Variants in NEGR1 observed in about 807,000 individuals in gnomAD.
The protein encoded by NEGR1 is neuronal growth regulator 1.
NEGR1 carries 10 observed loss-of-function variants against 40.9 expected under a neutral mutation model. The ratio of observed to expected loss-of-function variants is 0.24; its 90% CI spans 0.15 to 0.42. The LOEUF (loss-of-function observed/expected upper bound fraction) is 0.42. NEGR1 is among the 10% of genes least tolerant of loss of function. The probability of loss-of-function intolerance (pLI) is 1.00; values close to 1 mark genes in which losing one functional copy is unlikely to be tolerated. For missense variants in NEGR1, 352 were observed against 438.9 expected (o/e 0.80, Z 1.77); for synonymous variants, 185 against 166.8 (o/e 1.11, Z -0.84).
chr1:72,214,579 G>C (rs1653728221), intron 1 of NEGR1, among the ~76,000 whole-genome samples: 2 of 151,432 alleles, frequency 1.3e-5, no homozygotes, highest in Non-Finnish European at 3.0e-5. Context: ...ATAATAGACA[G>C]AGAGCCAAAT....
rs909586006 is a variant in NEGR1, at chr1:71,520,760, T to C, written c.940+72057A>G. On this transcript the variant is annotated intron_variant, in intron 6 of 6. Transcript: ENST00000357731. The stretch of plus-strand genomic sequence containing the variant: ...TAAAATCAACTAACTATAGCTCCTA[T>C]TTAGTGTCATAGGCATGGCTGGGGC... 2.6e-5 allele frequency among the ~76,000 whole-genome samples: 4 copies of C among 151,984 alleles called. No homozygotes were observed. The South Asian group carries it at 8.3e-4, about 31-fold the overall frequency.
intron 2 of NEGR1, among the ~76,000 whole-genome samples, chr1:71,924,899 T>C (rs1645757996): frequency 6.6e-6 from 1 of 152,146 alleles, no homozygotes; most frequent in South Asian, 2.1e-4. Context: ...TTTTTTTTTT[T>C]CTTATTATGT....
At chr1:71,558,858 G>T (rs1378607933) in intron 6 of NEGR1, among the ~76,000 whole-genome samples, 1 of 150,312 alleles carries the variant, frequency 6.7e-6, no homozygotes, top group East Asian at 2.0e-4. Context: ...TTGAGGAATG[G>T]TAATAGAGAC....
chr1:71,698,092 T>C lies in NEGR1; in HGVS notation c.583A>G (p.Arg195Gly). ...CATTCATATTCCCCAGCCTGGTCCC[T>C]TGTAATTCCATAAATGTCCAAATAT... is the stretch of plus-strand genomic sequence containing the variant. ...GQYLDIYGIT[R>G]DQAGEYECSA... Residue 195 changes from arginine (R) to glycine (G), a missense_variant, in exon 4 of 7, where the codon AGG becomes GGG. Around this residue, in one of 5 missense-constraint regions of NEGR1, gnomAD observed 184 missense variants for 208.7 expected, o/e 0.88. Transcript: ENST00000357731. 2 of 1,611,022 alleles carry C rather than the reference T, an allele frequency of 1.2e-6. No homozygotes were observed. The highest frequency in any genetic ancestry group is 1.7e-6 in the Non-Finnish European group (2 of 1,177,834).
At chr1:71,680,716 T>G (rs1350866218) in intron 4 of NEGR1, among the ~76,000 whole-genome samples, 2 of 152,220 alleles carry the variant, frequency 1.3e-5, no homozygotes, top group South Asian at 2.1e-4. Context: ...TCAGTGTTGT[T>G]GTCTTAACAC....
At position 71,913,358 on chromosome 1, in the gene NEGR1, G is replaced by A. The variant is rs535483226; in HGVS notation, c.409+21721C>T. 7.2e-5 allele frequency among the ~76,000 whole-genome samples: 11 copies of A among 152,042 alleles called. No individual in the cohort carries two copies. In the East Asian group the frequency reaches 9.7e-4, roughly 13 times the overall value. ...TTGAACTCCTGACCTCAGATGATTC[G>A]CCCACCTCAGCCTCCCAAAGTGCTG... is the stretch of plus-strand genomic sequence containing the variant. On this transcript the variant is annotated intron_variant, in intron 2 of 6. Transcript: ENST00000357731.
rs772111505 is a variant in NEGR1 at position 71,402,978 on chromosome 1, T to G, written c.*4468A>C. On this transcript the variant is annotated 3_prime_UTR_variant, in exon 7 of 7. Coordinates refer to ENST00000357731, the MANE Select transcript of NEGR1 (RefSeq NM_173808.3). The stretch of plus-strand genomic sequence containing the variant: ...AGACATTTATTAGAACATTTCCAGT[T>G]TTTTTGTGGAGGGAGGGCTTTGGTG... The G allele has an allele frequency of 9.2e-5, 14 of 152,134 alleles. No individual in the cohort carries two copies. The highest frequency in any genetic ancestry group is 1.3e-4 in the Non-Finnish European group (9 of 67,976). The allele number at this position is 152,134 out of a possible 1,614,324, so 9.4% of individuals were successfully genotyped here.
chr1:71,759,596 CTTTTTTTTTT>C (rs71074804), intron 3 of NEGR1, among the ~76,000 whole-genome samples: 2 of 31,952 alleles, frequency 6.3e-5, no homozygotes, highest in Admixed American at 6.2e-4. Flanking sequence ...TGCGTCCAGG[CTTTTTTTTTT>C]TTTTTTTTTT....
chr1:72,058,128 G>T (rs1647129003), intron 1 of NEGR1, among the ~76,000 whole-genome samples: 1 of 151,516 alleles, frequency 6.6e-6, no homozygotes, highest in Admixed American at 6.6e-5. Flanking sequence ...TGCCTTTGAG[G>T]CTCAGGGTCT....
intron 2 of NEGR1, among the ~76,000 whole-genome samples, chr1:71,900,416 T>C (rs1445427163): frequency 6.6e-6 from 1 of 152,220 alleles, no homozygotes; most frequent in Non-Finnish European, 1.5e-5. Flanking sequence ...TTATATTGAA[T>C]TGCCCAATTA....
intron 6 of NEGR1, among the ~76,000 whole-genome samples, chr1:71,581,347 T>G (rs1277938268): frequency 6.6e-6 from 1 of 152,222 alleles, no homozygotes; most frequent in East Asian, 1.9e-4. Flanking sequence ...TAATGTGTCA[T>G]GTCTGTGGCC....
In NEGR1 at chr1:71,418,541, C is replaced by T. The variant is rs1646372201; in HGVS notation, c.941-10971G>A. Among the ~76,000 whole-genome samples, 5 of 152,048 alleles carry T rather than the reference C, an allele frequency of 3.3e-5. No homozygotes were observed. The South Asian group carries it at 1.0e-3, about 32-fold the overall frequency. On this transcript the variant is annotated intron_variant, in intron 6 of 6. Coordinates refer to ENST00000357731, the MANE Select transcript of NEGR1 (RefSeq NM_173808.3). ...CACAATGCTCTGAACAAACCATAGC[C>T]TTTTAGCTCCTTGGGTTTACAATCC... is the stretch of plus-strand genomic sequence containing the variant.
intron 4 of NEGR1, among the ~76,000 whole-genome samples, chr1:71,655,711 C>T (rs539204499): frequency 5.3e-5 from 8 of 152,106 alleles, no homozygotes; most frequent in Non-Finnish European, 1.2e-4. Context: ...CAGACCTGTC[C>T]TTGTTCTCAC....
At chr1:71,492,043 C>G (rs1455861341) in intron 6 of NEGR1, among the ~76,000 whole-genome samples, 6 of 152,074 alleles carry the variant, frequency 3.9e-5, no homozygotes, top group Admixed American at 3.9e-4. Context: ...GGTACAAGGA[C>G]ACAGTGCCAT....
At chr1:71,410,748 CT>C (rs1200174595) in intron 6 of NEGR1, among the ~76,000 whole-genome samples, 1 of 152,060 alleles carries the variant, frequency 6.6e-6, no homozygotes, top group African/African-American at 2.4e-5. Flanking sequence ...GTGTATATGA[CT>C]GTTGAACTGA....
chr1:71,628,756 A>C (rs1360932648), intron 4 of NEGR1, among the ~76,000 whole-genome samples: 1 of 151,970 alleles, frequency 6.6e-6, no homozygotes, highest in Admixed American at 6.6e-5. Context: ...ATCCTTTTTT[A>C]TGGCTGAGTA....
At chr1:71,837,668 A>G (rs946425765) in intron 2 of NEGR1, among the ~76,000 whole-genome samples, 1 of 152,026 alleles carries the variant, frequency 6.6e-6, no homozygotes, top group African/African-American at 2.4e-5. Context: ...TTATGTTTTC[A>G]ACATGAAATG....
At chr1:71,537,677 C>T (rs1292809563) in intron 6 of NEGR1, among the ~76,000 whole-genome samples, 1 of 151,678 alleles carries the variant, frequency 6.6e-6, no homozygotes, top group East Asian at 2.0e-4. Context: ...AGGATGTTAG[C>T]ATAACAGAAT....
At chr1:71,554,523 G>T (rs1648189933) in intron 6 of NEGR1, among the ~76,000 whole-genome samples, 1 of 151,354 alleles carries the variant, frequency 6.6e-6, no homozygotes, top group Admixed American at 6.6e-5. Flanking sequence ...TGTTCAAGGG[G>T]TGAAGAGTTT....
Sources: allele counts gnomAD v4.1 joint callset (sites outside exome capture counted in the v4.1 genomes callset), GRCh38; gene constraint gnomAD v4.1.1; regional missense constraint gnomAD v4.1.1; transcripts MANE v1.5; gene names NCBI Gene and HGNC (gene_info 2026-07-23, HGNC 2026-07-21).